CCDC60: variants seen among roughly 807,000 people sequenced by gnomAD.
The protein encoded by CCDC60 is coiled-coil domain containing 60.
In CCDC60, 54 loss-of-function variants were observed where a neutral mutation model predicts 63.5. That is an observed-to-expected ratio of 0.85 (90% confidence interval 0.68 to 1.07). CCDC60 has a LOEUF of 1.07. Ranked by LOEUF, CCDC60 falls within the 50% of genes least tolerant of loss-of-function variation. The probability of loss-of-function intolerance (pLI) is 0.00; values close to 1 mark genes in which losing one functional copy is unlikely to be tolerated. For synonymous variants in CCDC60, 206 were observed against 238.8 expected (o/e 0.86, Z 1.27); for missense variants, 651 against 684.3 (o/e 0.95, Z 0.54).
At chr12:119,357,531 C>T (rs752692706) in intron 1 of CCDC60, among the ~76,000 whole-genome samples, 16 of 151,860 alleles carry the variant, frequency 1.1e-4, no homozygotes, top group Non-Finnish European at 2.1e-4. Flanking sequence ...ATTGGCTCAC[C>T]GCAACCTCCG....
chr12:119,516,592 G>A (rs770900423), intron 7 of CCDC60, 31 bp from the exon 8 acceptor site: 3 of 1,540,944 alleles, frequency 1.9e-6, no homozygotes, highest in Non-Finnish European at 2.7e-6. Flanking sequence ...GGTGGCTTCT[G>A]GTCAAGGGTG....
At chr12:119,375,096 C>T (rs868333756) in intron 1 of CCDC60, among the ~76,000 whole-genome samples, 15 of 152,138 alleles carry the variant, frequency 9.9e-5, no homozygotes, top group African/African-American at 3.6e-4. Context: ...GAATGCAGCC[C>T]AGTTGGTCTC....
At chr12:119,500,873 A>G (rs947287937) in intron 6 of CCDC60, among the ~76,000 whole-genome samples, 1 of 152,206 alleles carries the variant, frequency 6.6e-6, no homozygotes, top group Non-Finnish European at 1.5e-5. Context: ...AGAAAAAGAA[A>G]AGACAAAGTG....
chr12:119,455,552 T>A (rs1159969634), intron 2 of CCDC60, among the ~76,000 whole-genome samples: 1 of 152,090 alleles, frequency 6.6e-6, no homozygotes, highest in East Asian at 1.9e-4. Flanking sequence ...ATGGAGAAGA[T>A]GCTGCAGAGA....
At chr12:119,459,147 A>G (rs985928810) in intron 2 of CCDC60, among the ~76,000 whole-genome samples, 1 of 152,212 alleles carries the variant, frequency 6.6e-6, no homozygotes, top group African/African-American at 2.4e-5. Context: ...GCCTTCTAGT[A>G]AAGCCAACTG....
chr12:119,539,165 G>T (rs1283941191), intron 13 of CCDC60, among the ~76,000 whole-genome samples: 1 of 152,238 alleles, frequency 6.6e-6, no homozygotes, highest in Non-Finnish European at 1.5e-5. Flanking sequence ...CAGGAGACAT[G>T]GCGGTCAGGG....
At chr12:119,339,483 G>C (rs1237084417) in intron 1 of CCDC60, among the ~76,000 whole-genome samples, 2 of 152,154 alleles carry the variant, frequency 1.3e-5, no homozygotes, top group African/African-American at 4.8e-5. Flanking sequence ...CTAGCTTTTA[G>C]TGATTAAAGG....
At chr12:119,476,649 A>G (rs549148526) in intron 3 of CCDC60, among the ~76,000 whole-genome samples, 1 of 152,310 alleles carries the variant, frequency 6.6e-6, no homozygotes, top group African/African-American at 2.4e-5. Context: ...CACACAGCCT[A>G]ACACCCTCCA....
At chr12:119,451,258 T>G (rs1255014703) in intron 2 of CCDC60, among the ~76,000 whole-genome samples, 1 of 152,168 alleles carries the variant, frequency 6.6e-6, no homozygotes, top group African/African-American at 2.4e-5. Flanking sequence ...TTTTGGCCAT[T>G]ACATTGCCAA....
At chr12:119,514,889 C>T (rs935458435) in intron 7 of CCDC60, among the ~76,000 whole-genome samples, 3 of 152,154 alleles carry the variant, frequency 2.0e-5, no homozygotes, top group African/African-American at 7.2e-5. Context: ...TTATCTCATA[C>T]TCTATTTTGG....
intron 13 of CCDC60, among the ~76,000 whole-genome samples, chr12:119,536,949 T>C (rs1210218914): frequency 2.0e-5 from 3 of 152,340 alleles, no homozygotes; most frequent in Non-Finnish European, 2.9e-5. Context: ...TGAATTTGAA[T>C]GTTGGCCTGC....
intron 7 of CCDC60, among the ~76,000 whole-genome samples, chr12:119,506,270 T>C (rs1049016284): frequency 6.6e-6 from 1 of 151,964 alleles, no homozygotes; most frequent in South Asian, 2.1e-4. Context: ...AAAAAGTCTT[T>C]TCAGTGGCTC....
At chr12:119,340,784 T>C (rs1252812889) in intron 1 of CCDC60, among the ~76,000 whole-genome samples, 2 of 152,000 alleles carry the variant, frequency 1.3e-5, no homozygotes, top group African/African-American at 4.8e-5. Flanking sequence ...CTGTAGTGAG[T>C]CATTGGTTTT....
intron 2 of CCDC60, among the ~76,000 whole-genome samples, chr12:119,467,077 A>G (rs1950966263): frequency 6.6e-6 from 1 of 152,246 alleles, no homozygotes; most frequent in South Asian, 2.1e-4. Context: ...AAAAGTGGGT[A>G]TAAATATGAC....
At chr12:119,342,727 T>A (rs532729340) in intron 1 of CCDC60, among the ~76,000 whole-genome samples, 1 of 152,254 alleles carries the variant, frequency 6.6e-6, no homozygotes, top group South Asian at 2.1e-4. Context: ...TGGTTATAGG[T>A]GGTGGGGACA....
In CCDC60 at chr12:119,528,616, C is replaced by T. The variant is rs769345224; in HGVS notation, c.1231C>T (p.Arg411Cys). The change falls in exon 12 of 14, where the codon CGC (arginine) becomes TGC (cysteine). Residue 411 changes from arginine (R) to cysteine (C), a missense_variant and splice_region_variant. Transcript: ENST00000327554. ...TCTCTTTCTCATACAACCTTGTAGG[C>T]GCCAAGAAGAGAGAGGTATCCAGAA... ...LQDKMEILMK[R>C]QEERGIQKFR... The T allele has an allele frequency of 1.1e-5, 17 of 1,612,278 alleles. No individual in the cohort carries two copies. Among genetic ancestry groups the T allele is most frequent in the East Asian group, 2.2e-5 (1 of 44,848 alleles).
rs1592975822 is a variant in CCDC60, at chr12:119,341,783, G to GTTT, written c.90+6517_90+6518insTTT. ...TAATGAGGCCAGGCCTCAGCTTAAGGGTAGAAGGGAAGAAGCAGGTCCAAA... is the reference window on the plus strand; with the variant it reads ...TAATGAGGCCAGGCCTCAGCTTAAGGTTTGTAGAAGGGAAGAAGCAGGTCCAAA... On this transcript the variant is annotated intron_variant, in intron 1 of 13. Coordinates refer to ENST00000327554, the MANE Select transcript of CCDC60 (RefSeq NM_178499.5). Among the ~76,000 whole-genome samples, 3 of 152,306 alleles carry GTTT rather than the reference G, an allele frequency of 2.0e-5. No homozygotes were observed. The East Asian group carries it at 5.8e-4, about 29-fold the overall frequency.
rs886800961 is a variant in CCDC60 at position 119,524,424 on chromosome 12, C to T, written c.1229+606C>T. The stretch of plus-strand genomic sequence containing the variant: ...CCTTGACTCCAGAGACCATCCATCC[C>T]GATGAATGCATCTATACAACAAAGT... On this transcript the variant is annotated intron_variant, in intron 11 of 13. Coordinates refer to ENST00000327554, the MANE Select transcript of CCDC60 (RefSeq NM_178499.5). The T allele has an allele frequency of 8.3e-5, 82 of 983,698 alleles. 1 individual carries two copies. The South Asian group carries it at 1.6e-3, about 19-fold the overall frequency. The allele number at this position is 983,698 out of a possible 1,614,324, so 60.9% of individuals were successfully genotyped here.
chr12:119,521,641 G>A lies in CCDC60; in HGVS notation c.1041-1298G>A, dbSNP rs114869870. Among the ~76,000 whole-genome samples, 795 of 152,236 alleles carry A rather than the reference G, an allele frequency of 5.2e-3. 7 individuals are homozygous for A. Among genetic ancestry groups the A allele is most frequent in the African/African-American group, 0.018 (760 of 41,536 alleles). ...CCAGTGCAGCTGAAACTCAAAGAGG[G>A]CCAGGTGGGGGGCACAGAGTGAGAC... On this transcript the variant is annotated intron_variant, in intron 9 of 13. Transcript: ENST00000327554.
Sources: gnomAD v4.1 joint callset for allele counts (sites outside exome capture counted in the v4.1 genomes callset) on GRCh38, gnomAD v4.1.1 for gene constraint, MANE v1.5 for transcripts, NCBI Gene and HGNC (gene_info 2026-07-23, HGNC 2026-07-21) for gene names.